The following NPAS3 variants were observed in gnomAD, a reference collection of about 807,000 sequenced individuals.
The protein encoded by NPAS3 is neuronal PAS domain protein 3.
In NPAS3, 14 loss-of-function variants were observed where a neutral mutation model predicts 73.1. The ratio of observed to expected loss-of-function variants is 0.19; its 90% CI spans 0.13 to 0.30. The LOEUF (loss-of-function observed/expected upper bound fraction) is 0.30. Ranked by LOEUF, NPAS3 falls within the 10% of genes least tolerant of loss-of-function variation. The pLI is 1.00. For synonymous variants in NPAS3, 620 were observed against 541.5 expected (o/e 1.14, Z -2.01); for missense variants, 1,096 against 1,250.0 (o/e 0.88, Z 1.86).
chr14:32,982,575 C>G (rs2037942545), intron 1 of NPAS3, among the ~76,000 whole-genome samples: 1 of 152,094 alleles, frequency 6.6e-6, no homozygotes, highest in Non-Finnish European at 1.5e-5. Context: ...TCTATCTGCA[C>G]TACTTAAATG....
chr14:33,800,514 C>A lies in NPAS3; in HGVS notation c.2207C>A (p.Thr736Asn). The A allele has an allele frequency of 7.1e-7, 1 of 1,416,154 alleles. No individual in the cohort carries two copies. The highest frequency in any genetic ancestry group is 1.5e-5 in the South Asian group (1 of 65,370). 87.7% of individuals were successfully genotyped at this position (1,416,154 alleles called of 1,614,324 possible). A position where few individuals can be genotyped will look rare whatever the true frequency, so the allele number is the denominator to read the frequency against. Residue 736 changes from threonine to asparagine, a missense_variant, in exon 12 of 12, where the codon ACC becomes AAC. Thr to Asn is a moderately conservative substitution (Grantham distance 65). Transcript: ENST00000356141. The surrounding 1 kb of genome is among the most constrained non-coding windows in gnomAD (Gnocchi z 6.5). Reference sequence around the variant, plus strand: ...AAGACTCAGTTCGGCGCCTCGGCCACCGCGGCCCTGGCCCCCGTCGCCTCC... The same window carrying A: ...AAGACTCAGTTCGGCGCCTCGGCCAACGCGGCCCTGGCCCCCGTCGCCTCC...
At chr14:33,226,105 G>C (rs1467578976) in intron 3 of NPAS3, among the ~76,000 whole-genome samples, 1 of 152,116 alleles carries the variant, frequency 6.6e-6, no homozygotes, top group Admixed American at 6.6e-5. Flanking sequence ...TAAGTGAAAA[G>C]TCATATTAAG....
At chr14:33,407,321 TC>T (rs1264700642) in intron 4 of NPAS3, among the ~76,000 whole-genome samples, 1 of 152,120 alleles carries the variant, frequency 6.6e-6, no homozygotes, top group Non-Finnish European at 1.5e-5. Flanking sequence ...CCTAGGTACT[TC>T]TTTTTCTCTA....
intron 2 of NPAS3, among the ~76,000 whole-genome samples, chr14:33,143,781 C>T (rs2044144321): frequency 6.6e-6 from 1 of 152,152 alleles, no homozygotes; most frequent in South Asian, 2.1e-4. Context: ...GTGGATTTAC[C>T]TATTCTGGAT....
chr14:33,439,147 A>C (rs1385659626), intron 4 of NPAS3, among the ~76,000 whole-genome samples: 1 of 152,180 alleles, frequency 6.6e-6, no homozygotes, highest in Non-Finnish European at 1.5e-5. Context: ...TTTCTAATAC[A>C]TCTTCACTAT....
chr14:33,338,580 T>C (rs769905193), intron 3 of NPAS3, among the ~76,000 whole-genome samples: 2 of 152,208 alleles, frequency 1.3e-5, no homozygotes, highest in Non-Finnish European at 2.9e-5. Context: ...TAGCTAGCTG[T>C]TTGACTTTTG....
Position 33,669,771 on chromosome 14 carries a change from A to G in NPAS3, c.559-6440A>G, listed in dbSNP as rs543496979. Among the ~76,000 whole-genome samples, 4 of 152,264 alleles carry G rather than the reference A, an allele frequency of 2.6e-5. No individual in the cohort carries two copies. The South Asian group carries it at 6.2e-4, about 24-fold the overall frequency. On this transcript the variant is annotated intron_variant, in intron 5 of 11. Transcript: ENST00000356141. ...TCCTCTTTGACTCTATTTCCCCGAC[A>G]GTCTGCTTTGTTCTTTTTCTTCTCT...
At chr14:33,504,845 G>A (rs927222260) in intron 4 of NPAS3, among the ~76,000 whole-genome samples, 1 of 151,998 alleles carries the variant, frequency 6.6e-6, no homozygotes, top group African/African-American at 2.4e-5. Flanking sequence ...AGCATGCTAT[G>A]GGATTCTACG....
chr14:33,127,248 C>T (rs533550418), intron 2 of NPAS3, among the ~76,000 whole-genome samples: 2 of 152,010 alleles, frequency 1.3e-5, no homozygotes, highest in Admixed American at 6.6e-5. Context: ...CCAAGCTTTG[C>T]TGTAGTTTTT....
intron 4 of NPAS3, among the ~76,000 whole-genome samples, chr14:33,444,996 G>T (rs1371174228): frequency 6.6e-6 from 1 of 152,200 alleles, no homozygotes; most frequent in African/African-American, 2.4e-5. Context: ...AGCAACTTAA[G>T]TATTTTTTAT....
At chr14:33,607,629 G>T (rs1387265279) in intron 5 of NPAS3, among the ~76,000 whole-genome samples, 2 of 152,176 alleles carry the variant, frequency 1.3e-5, no homozygotes, top group African/African-American at 4.8e-5. Flanking sequence ...GTCAAAACCT[G>T]TCAAGGTAGA....
chr14:33,684,851 A>T (rs1218778541), intron 6 of NPAS3, among the ~76,000 whole-genome samples: 1 of 152,122 alleles, frequency 6.6e-6, no homozygotes, highest in East Asian at 1.9e-4. Context: ...GGCAGGTGTG[A>T]GATGAAAAGA....
At chr14:33,330,704 C>T (rs1456724895) in intron 3 of NPAS3, among the ~76,000 whole-genome samples, 3 of 152,078 alleles carry the variant, frequency 2.0e-5, no homozygotes, top group Admixed American at 1.3e-4. Context: ...TCTCAGAGGC[C>T]GGCAGATAAA....
chr14:32,995,167 T>C (rs746128586), intron 1 of NPAS3, among the ~76,000 whole-genome samples: 1 of 152,172 alleles, frequency 6.6e-6, no homozygotes, highest in Non-Finnish European at 1.5e-5. Flanking sequence ...TGATGACCCA[T>C]TGGACATCTT....
chr14:33,004,933 T>C (rs1366215777), intron 1 of NPAS3, among the ~76,000 whole-genome samples: 1 of 150,776 alleles, frequency 6.6e-6, no homozygotes, highest in Non-Finnish European at 1.5e-5. Flanking sequence ...GTCTTCCACC[T>C]TCACATCTTG....
chr14:33,412,824 A>G (rs60747904), intron 4 of NPAS3, among the ~76,000 whole-genome samples: 16,996 of 152,172 alleles, frequency 0.11, 1,378 homozygotes, highest in East Asian at 0.39. Context: ...GTTGTAAACC[A>G]TAACACTGCC....
At chr14:33,178,889 G>T (rs777160585) in intron 2 of NPAS3, among the ~76,000 whole-genome samples, 1 of 152,118 alleles carries the variant, frequency 6.6e-6, no homozygotes, top group Non-Finnish European at 1.5e-5. Context: ...ATACTGTCTT[G>T]TTTCTCATGT....
chr14:33,263,235 G>C (rs2049039551), intron 3 of NPAS3, among the ~76,000 whole-genome samples: 1 of 152,142 alleles, frequency 6.6e-6, no homozygotes, highest in Non-Finnish European at 1.5e-5. Context: ...TTTTCTTCTA[G>C]AGTTTTTATG....
intron 2 of NPAS3, 183 bp from the exon 3 acceptor site, chr14:33,214,999 C>A: frequency 4.9e-6 from 3 of 616,424 alleles, no homozygotes; most frequent in South Asian, 4.2e-5. Flanking sequence ...AAATGTAAGG[C>A]CAGAGTTAGA....
Sources: gnomAD v4.1 joint callset for allele counts (sites outside exome capture counted in the v4.1 genomes callset) on GRCh38, gnomAD v4.1.1 for gene constraint, Gnocchi (gnomAD v3.1) non-coding constraint, MANE v1.5 for transcripts, NCBI Gene and HGNC (gene_info 2026-07-23, HGNC 2026-07-21) for gene names.